TLN2: variants seen among roughly 807,000 people sequenced by gnomAD.
TLN2 encodes talin-2.
TLN2 carries 118 observed loss-of-function variants against 294.7 expected under a neutral mutation model. The ratio of observed to expected loss-of-function variants is 0.40; its 90% CI spans 0.34 to 0.47. The LOEUF is 0.47. Ranked by LOEUF, TLN2 falls within the 20% of genes least tolerant of loss-of-function variation. The probability of loss-of-function intolerance (pLI) is 0.84; values close to 1 mark genes in which losing one functional copy is unlikely to be tolerated. For synonymous variants in TLN2, 1,431 were observed against 1,304.5 expected, an observed-to-expected ratio of 1.10 and a Z score of -2.09; for missense variants, 3,083 against 3,282.2, an observed-to-expected ratio of 0.94 and a Z score of 1.48.
chr15:62,749,153 G>A (rs189639508), intron 33 of TLN2, among the ~76,000 whole-genome samples: 8 of 152,200 alleles, frequency 5.3e-5, no homozygotes, highest in Non-Finnish European at 1.0e-4. Context: ...CCCAAGGAAC[G>A]TTCCATTTTC....
chr15:62,673,098 G>GTGTGTGTGTC (rs2055649099), intron 9 of TLN2, among the ~76,000 whole-genome samples: 1 of 151,222 alleles, frequency 6.6e-6, no homozygotes, highest in Non-Finnish European at 1.5e-5. Flanking sequence ...GTGTGTGTGT[G>GTGTGTGTGTC]TCTGTGTATA....
intron 27 of TLN2, among the ~76,000 whole-genome samples, chr15:62,726,523 T>A (rs548386018): frequency 6.6e-6 from 1 of 152,306 alleles, no homozygotes; most frequent in South Asian, 2.1e-4. Flanking sequence ...TGTGCCCATT[T>A]TCATAATCTC....
rs1418402889 is a variant in TLN2 at position 62,837,545 on chromosome 15, C to T, written c.7375-1311C>T. Among the ~76,000 whole-genome samples, 4 of 152,176 alleles carry T rather than the reference C, an allele frequency of 2.6e-5. No homozygotes were observed. The East Asian group carries it at 5.8e-4, about 22-fold the overall frequency. ...TTTACACAGATAGAATGCAGCATCA[C>T]TCTTGTTCCCATCATTACCGATTTA... On this transcript the variant is annotated intron_variant, in intron 57 of 58. Coordinates refer to ENST00000636159, the MANE Select transcript of TLN2 (RefSeq NM_015059.3).
At chr15:62,733,179 G>C (rs1355382545) in intron 28 of TLN2, among the ~76,000 whole-genome samples, 2 of 152,238 alleles carry the variant, frequency 1.3e-5, no homozygotes, top group South Asian at 2.1e-4. Flanking sequence ...GAGCTGTGGA[G>C]AGGGCAGGGA....
chr15:62,712,292 T>C lies in TLN2; in HGVS notation c.2634+215T>C, dbSNP rs919133658. Among the ~76,000 whole-genome samples the C allele has an allele frequency of 4.6e-5, 7 of 152,358 alleles. No individual in the cohort carries two copies. In the East Asian group the frequency reaches 1.4e-3, roughly 29 times the overall value. ...GGAAGTGGTACTGACTCAGCCATAG[T>C]AGCAAAGTGCCCTCTTTAGGGAGGC... On this transcript the variant is annotated intron_variant, in intron 22 of 58. Transcript: ENST00000636159.
chr15:62,492,430 G>A (rs1292341252), intron 1 of TLN2, among the ~76,000 whole-genome samples: 5 of 151,842 alleles, frequency 3.3e-5, no homozygotes, highest in African/African-American at 1.2e-4. Flanking sequence ...GTGGTTGGGA[G>A]TGCCTGTAAT....
Position 62,697,646 on chromosome 15 carries a change from T to C in TLN2, c.1293-42T>C, listed in dbSNP as rs762625981. Reference sequence around the variant, plus strand: ...TGGGGTCTCCTCATTGCACTCCACATGGCTGGTGTTCTCTCAGTGACCAAA... The same window carrying C: ...TGGGGTCTCCTCATTGCACTCCACACGGCTGGTGTTCTCTCAGTGACCAAA... On this transcript the variant is annotated intron_variant, in intron 14 of 58. Transcript: ENST00000636159. 22 of 1,567,826 alleles carry C rather than the reference T, an allele frequency of 1.4e-5. No homozygotes were observed. In the African/African-American group the frequency reaches 1.9e-4, roughly 14 times the overall value.
At chr15:62,828,475 CTT>C (rs1319588462) in intron 54 of TLN2, 1 of 152,246 alleles carries the variant, frequency 6.6e-6, no homozygotes, top group African/African-American at 2.4e-5. Flanking sequence ...TCTGTTCACT[CTT>C]TTTCCCAGTG....
chr15:62,588,215 A>T (rs2045783790), intron 1 of TLN2, among the ~76,000 whole-genome samples: 1 of 152,112 alleles, frequency 6.6e-6, no homozygotes, highest in Non-Finnish European at 1.5e-5. Context: ...TATAGTTGCT[A>T]TCTTTTCATA....
intron 19 of TLN2, among the ~76,000 whole-genome samples, chr15:62,703,632 C>CAG (rs1306848094): frequency 2.2e-4 from 29 of 134,708 alleles, no homozygotes; most frequent in Admixed American, 6.1e-4. Flanking sequence ...CGCGCGCACA[C>CAG]ACACACACAC....
At position 62,595,334 on chromosome 15, in the gene TLN2, C is replaced by G. The variant is rs913586038; in HGVS notation, c.-162+5572C>G. Among the ~76,000 whole-genome samples, 4 of 148,442 alleles carry G rather than the reference C, an allele frequency of 2.7e-5. No individual in the cohort carries two copies. In the East Asian group the frequency reaches 6.1e-4, roughly 23 times the overall value. ...ACTTGGGAGGCTGAGGCAGGAGAAT[C>G]GCTTGAACCTGGGAGGTAGAGGTTG... is the stretch of plus-strand genomic sequence containing the variant. On this transcript the variant is annotated intron_variant, in intron 2 of 58. Transcript: ENST00000636159.
chr15:62,490,556 C>T (rs998206174), intron 1 of TLN2, among the ~76,000 whole-genome samples: 21 of 151,812 alleles, frequency 1.4e-4, no homozygotes, highest in South Asian at 2.1e-4. Context: ...GGAGACATTC[C>T]GTCTTCCCCA....
chr15:62,528,408 A>G (rs2040852695), intron 1 of TLN2, among the ~76,000 whole-genome samples: 1 of 152,030 alleles, frequency 6.6e-6, no homozygotes, highest in Non-Finnish European at 1.5e-5. Flanking sequence ...GAGACGGAGT[A>G]GGTTAACAAA....
intron 21 of TLN2, among the ~76,000 whole-genome samples, chr15:62,709,357 G>A (rs1211752575): frequency 1.3e-5 from 2 of 152,182 alleles, no homozygotes; most frequent in Admixed American, 6.5e-5. Flanking sequence ...TATGGAGGTG[G>A]TGGCTAGTTA....
intron 41 of TLN2, among the ~76,000 whole-genome samples, chr15:62,768,693 C>T (rs191533791): frequency 3.3e-5 from 5 of 152,340 alleles, no homozygotes; most frequent in Admixed American, 2.6e-4. Context: ...GTTTCCTGTT[C>T]TGTCATGTCT....
At position 62,725,317 on chromosome 15, in the gene TLN2, G is replaced by A. The variant is rs139222178; in HGVS notation, c.3255+213G>A. ...CACTCAGCTGTATCATCAACTAGCT[G>A]TGCACGCGTCCCATATCTCCTCTAT... is the stretch of plus-strand genomic sequence containing the variant. On this transcript the variant is annotated intron_variant, in intron 27 of 58. Transcript: ENST00000636159. Among the ~76,000 whole-genome samples the A allele has an allele frequency of 1.1e-3, 174 of 152,242 alleles. 1 individual carries two copies. The East Asian group carries it at 0.015, about 13-fold the overall frequency.
chr15:62,607,220 T>C (rs1409995174), intron 2 of TLN2, among the ~76,000 whole-genome samples: 1 of 152,160 alleles, frequency 6.6e-6, no homozygotes, highest in Non-Finnish European at 1.5e-5. Context: ...AGATCTCTCT[T>C]CATGCTTAAT....
intron 12 of TLN2, 71 bp from the exon 13 acceptor site, chr15:62,692,769 C>G: frequency 8.5e-7 from 1 of 1,176,612 alleles, no homozygotes; most frequent in Non-Finnish European, 1.3e-6. Flanking sequence ...TGTTCTAGAG[C>G]TGGACCTGCT....
At chr15:62,550,774 C>T (rs2042248116) in intron 1 of TLN2, among the ~76,000 whole-genome samples, 1 of 152,150 alleles carries the variant, frequency 6.6e-6, no homozygotes, top group Non-Finnish European at 1.5e-5. Context: ...GCTTGGAGTT[C>T]CCCATCTCAT....
Sources: gnomAD v4.1 joint callset for allele counts (sites outside exome capture counted in the v4.1 genomes callset) on GRCh38, gnomAD v4.1.1 for gene constraint, MANE v1.5 for transcripts, NCBI Gene and HGNC (gene_info 2026-07-23, HGNC 2026-07-21) for gene names.